RPN2: variants seen among roughly 807,000 people sequenced by gnomAD.
RPN2 encodes the protein dolichyl-diphosphooligosaccharide--protein glycosyltransferase subunit 2.
In RPN2, 29 loss-of-function variants were observed where a neutral mutation model predicts 71.4. The ratio of observed to expected loss-of-function variants is 0.41; its 90% confidence interval spans 0.30 to 0.55. The LOEUF (loss-of-function observed/expected upper bound fraction) is 0.55, where lower values mean the gene tolerates loss of function less well. Among genes scored for constraint, RPN2 ranks in the 20% least tolerant of loss-of-function variants. RPN2 has a pLI of 0.35. For synonymous variants in RPN2, 308 were observed against 305.0 expected (o/e 1.01, Z -0.10); for missense variants, 726 against 774.1 (o/e 0.94, Z 0.74).
At chr20:37,240,392 C>A (rs945646153) in intron 16 of RPN2, among the ~76,000 whole-genome samples, 1 of 152,212 alleles carries the variant, frequency 6.6e-6, no homozygotes, top group Admixed American at 6.5e-5. Context: ...GGGGTGCACA[C>A]CCCAGCCCTC....
intron 8 of RPN2, among the ~76,000 whole-genome samples, chr20:37,210,914 C>T (rs2067647115): frequency 6.6e-6 from 1 of 152,030 alleles, no homozygotes; most frequent in Admixed American, 6.5e-5. Flanking sequence ...AAGGGCCAGG[C>T]ATGGGGCTCA....
At chr20:37,240,788 C>T (rs992176154) in intron 16 of RPN2, among the ~76,000 whole-genome samples, 6 of 152,194 alleles carry the variant, frequency 3.9e-5, no homozygotes, top group Admixed American at 3.9e-4. Context: ...AGGTTAGATG[C>T]TGAGTGTGAC....
At chr20:37,233,800 A>G (rs2068311718) in intron 14 of RPN2, among the ~76,000 whole-genome samples, 1 of 152,206 alleles carries the variant, frequency 6.6e-6, no homozygotes, top group Admixed American at 6.5e-5. Flanking sequence ...ACACGAGCCC[A>G]TTTGAGAGCA....
rs1163325345 is a variant in RPN2, at chr20:37,236,489, A to G, written c.1754-91A>G. ...CTGGTATAGGAGTACAGACCTTTTCATGATCCAACAGTTGCTATGTCTAAC... is the reference window on the plus strand; with the variant it reads ...CTGGTATAGGAGTACAGACCTTTTCGTGATCCAACAGTTGCTATGTCTAAC... On this transcript the variant is annotated intron_variant, in intron 15 of 16. Coordinates refer to ENST00000237530, the MANE Select transcript of RPN2 (RefSeq NM_002951.5). The G allele has an allele frequency of 2.9e-6, 4 of 1,389,568 alleles. No homozygotes were observed. In the South Asian group the frequency reaches 3.5e-5, roughly 12 times the overall value. The allele number at this position is 1,389,568 out of a possible 1,614,324, so 86.1% of individuals were successfully genotyped here.
At position 37,236,727 on chromosome 20, in the gene RPN2, C is replaced by T. The variant is rs2068405719; in HGVS notation, c.1883+18C>T. ...GTCAAGAGGTAAGGCCAGACATGAG[C>T]CAGGGATCTAGAGTAGGGTTAGAAA... is the stretch of plus-strand genomic sequence containing the variant. On this transcript the variant is annotated intron_variant, in intron 16 of 16. Transcript: ENST00000237530. 1 of 1,612,874 alleles carries T rather than the reference C, an allele frequency of 6.2e-7. No homozygotes were observed. Among genetic ancestry groups the T allele is most frequent in the Admixed American group, 1.7e-5 (1 of 60,010 alleles).
intron 12 of RPN2, among the ~76,000 whole-genome samples, chr20:37,229,278 A>G (rs1332762225): frequency 3.3e-5 from 5 of 152,236 alleles, no homozygotes; most frequent in African/African-American, 1.2e-4. Flanking sequence ...GATGAGAGTA[A>G]ACGTCTTGCA....
At chr20:37,179,775 C>G (rs958968498) in intron 1 of RPN2, among the ~76,000 whole-genome samples, 2 of 152,226 alleles carry the variant, frequency 1.3e-5, no homozygotes, top group African/African-American at 4.8e-5. Context: ...GCTGTAGTTT[C>G]CCATTCAGTG....
At chr20:37,203,026 G>A (rs1485191422) in intron 4 of RPN2, among the ~76,000 whole-genome samples, 2 of 152,096 alleles carry the variant, frequency 1.3e-5, no homozygotes, top group African/African-American at 4.8e-5. Flanking sequence ...CCTAGCTCAA[G>A]TGATCCTCCT....
chr20:37,192,900 G>A (rs1249049334), intron 2 of RPN2, among the ~76,000 whole-genome samples: 1 of 152,146 alleles, frequency 6.6e-6, no homozygotes. Flanking sequence ...GCTGAGGCAG[G>A]AGGATTGCCT....
chr20:37,226,736 A>G (rs945380784), intron 11 of RPN2, among the ~76,000 whole-genome samples: 11 of 152,180 alleles, frequency 7.2e-5, no homozygotes, highest in Admixed American at 7.2e-4. Flanking sequence ...TTTTCAAACC[A>G]TATACTCTTT....
intron 2 of RPN2, among the ~76,000 whole-genome samples, chr20:37,188,929 T>TG (rs1298706970): frequency 6.7e-6 from 1 of 149,942 alleles, no homozygotes; most frequent in African/African-American, 2.5e-5. Flanking sequence ...AGCCTCCAAT[T>TG]GATGTCTTTT....
intron 6 of RPN2, among the ~76,000 whole-genome samples, chr20:37,207,064 A>G (rs539746390): frequency 6.6e-6 from 1 of 152,298 alleles, no homozygotes; most frequent in East Asian, 1.9e-4. Context: ...CAGTTTATAA[A>G]GGAAGATGGA....
chr20:37,220,185 G>T (rs1447210996), intron 9 of RPN2, among the ~76,000 whole-genome samples: 15 of 149,172 alleles, frequency 1.0e-4, no homozygotes, highest in Admixed American at 9.4e-4. Context: ...GTGTGTGTTT[G>T]TGTGTGTGTG....
At chr20:37,230,536 T>C (rs568614748) in intron 13 of RPN2, among the ~76,000 whole-genome samples, 2 of 152,212 alleles carry the variant, frequency 1.3e-5, no homozygotes, top group African/African-American at 4.8e-5. Flanking sequence ...AACAGATGAG[T>C]GAAGAAAGGC....
At chr20:37,192,867 C>T (rs980933236) in intron 2 of RPN2, among the ~76,000 whole-genome samples, 3 of 152,116 alleles carry the variant, frequency 2.0e-5, no homozygotes, top group African/African-American at 7.2e-5. Flanking sequence ...TGGCTCACAC[C>T]TATAATCCTA....
chr20:37,193,352 G>A (rs1304448686), intron 2 of RPN2, among the ~76,000 whole-genome samples: 1 of 152,152 alleles, frequency 6.6e-6, no homozygotes, highest in South Asian at 2.1e-4. Flanking sequence ...AAGGAGAGAA[G>A]GGACTTCAGG....
In RPN2 at chr20:37,186,502, T is replaced by C. The variant is rs534916748; in HGVS notation, c.207+2129T>C. ...TATTTATTTATTTATTTTGTAGAGA[T>C]GAGGTCTCGCTATGTTGCCTAGGCT... On this transcript the variant is annotated intron_variant, in intron 2 of 16. Transcript: ENST00000237530. Among the ~76,000 whole-genome samples the C allele has an allele frequency of 3.3e-5, 5 of 152,216 alleles. No homozygotes were observed. In the East Asian group the frequency reaches 7.7e-4, roughly 23 times the overall value.
chr20:37,204,194 T>C (rs2067460214), intron 5 of RPN2, among the ~76,000 whole-genome samples: 1 of 152,184 alleles, frequency 6.6e-6, no homozygotes. Context: ...TATCCTTGCC[T>C]TTGCCCAGAA....
At chr20:37,214,317 C>T (rs1338246482) in intron 9 of RPN2, among the ~76,000 whole-genome samples, 1 of 152,132 alleles carries the variant, frequency 6.6e-6, no homozygotes, top group Non-Finnish European at 1.5e-5. Context: ...AAAAGAAAAT[C>T]AGTAATCTTT....
Sources: gnomAD v4.1 joint callset for allele counts (sites outside exome capture counted in the v4.1 genomes callset) on GRCh38, gnomAD v4.1.1 for gene constraint, MANE v1.5 for transcripts, NCBI Gene and HGNC (gene_info 2026-07-23, HGNC 2026-07-21) for gene names.